The following MAGI2 variants were observed in gnomAD, a reference collection of about 807,000 sequenced individuals.
The protein encoded by MAGI2 is membrane-associated guanylate kinase, WW and PDZ domain-containing protein 2.
Under a neutral mutation model 133.3 loss-of-function variants are expected in MAGI2, and 35 were observed. The observed-to-expected ratio is 0.26, with a 90% confidence interval of 0.20 to 0.35. MAGI2 has a LOEUF of 0.35. MAGI2 is among the 10% of genes least tolerant of loss of function. The probability of loss-of-function intolerance (pLI) is 1.00; values close to 1 mark genes in which losing one functional copy is unlikely to be tolerated. For missense variants in MAGI2, 1,636 were observed against 1,863.4 expected (o/e 0.88, Z 2.25); for synonymous variants, 729 against 710.6 (o/e 1.03, Z -0.41).
rs572133649 is a variant in MAGI2, at chr7:79,426,865, C to T, written c.301+26155G>A. 1.1e-4 allele frequency among the ~76,000 whole-genome samples: 16 copies of T among 152,152 alleles called. No homozygotes were observed. In the South Asian group the frequency reaches 2.1e-3, roughly 20 times the overall value. On this transcript the variant is annotated intron_variant, in intron 1 of 21. Coordinates refer to ENST00000354212, the MANE Select transcript of MAGI2 (RefSeq NM_012301.4). ...ATTTGAACTGCCTTCCTACCTTTGC[C>T]CCTATTCAAATGACATAATTGTACT...
chr7:78,298,652 G>GC (rs1457262506), intron 9 of MAGI2, among the ~76,000 whole-genome samples: 12 of 151,650 alleles, frequency 7.9e-5, no homozygotes, highest in Admixed American at 3.3e-4. Flanking sequence ...TACAGGAACT[G>GC]CCACCACCCT....
At chr7:78,175,403 T>A (rs937427565) in intron 14 of MAGI2, among the ~76,000 whole-genome samples, 8 of 152,016 alleles carry the variant, frequency 5.3e-5, no homozygotes, top group African/African-American at 1.7e-4. Flanking sequence ...TCAGCTGAGG[T>A]GCAAGTGTGA....
chr7:79,157,847 C>T (rs1397214152), intron 1 of MAGI2, among the ~76,000 whole-genome samples: 1 of 122,294 alleles, frequency 8.2e-6, no homozygotes, highest in African/African-American at 3.0e-5. Context: ...GTGTATCTAA[C>T]AAGTTTTTTT....
chr7:78,372,661 T>G (rs1449654396), intron 6 of MAGI2, among the ~76,000 whole-genome samples: 1 of 152,166 alleles, frequency 6.6e-6, no homozygotes, highest in Non-Finnish European at 1.5e-5. Flanking sequence ...AATTCAGTGA[T>G]TAAATATTCC....
intron 1 of MAGI2, among the ~76,000 whole-genome samples, chr7:79,080,934 C>T (rs896972032): frequency 6.6e-6 from 1 of 152,048 alleles, no homozygotes; most frequent in African/African-American, 2.4e-5. Context: ...CCACAGCAGC[C>T]GAAGAAACTT....
chr7:79,161,807 A>G (rs1343820802), intron 1 of MAGI2, among the ~76,000 whole-genome samples: 1 of 152,148 alleles, frequency 6.6e-6, no homozygotes, highest in Non-Finnish European at 1.5e-5. Context: ...TCGCAATTTT[A>G]TGACAATATA....
At chr7:78,907,137 C>A (rs890690620) in intron 2 of MAGI2, among the ~76,000 whole-genome samples, 6 of 152,094 alleles carry the variant, frequency 3.9e-5, no homozygotes, top group African/African-American at 1.2e-4. Context: ...CAGGGAGAAA[C>A]CCTGGGTAGA....
chr7:78,572,602 T>TC (rs1801617468), intron 3 of MAGI2, among the ~76,000 whole-genome samples: 1 of 152,134 alleles, frequency 6.6e-6, no homozygotes, highest in Admixed American at 6.6e-5. Context: ...CAGATTCCTA[T>TC]CCCTGGATGC....
In MAGI2 at chr7:78,671,090, A is replaced by G. The variant is rs751977365; in HGVS notation, c.419-43851T>C. 1.5e-3 allele frequency among the ~76,000 whole-genome samples: 233 copies of G among 152,112 alleles called. 6 individuals carry two copies. The highest frequency in any genetic ancestry group is 3.5e-4 in the Non-Finnish European group (24 of 68,012). On this transcript the variant is annotated intron_variant, in intron 2 of 21. Coordinates refer to ENST00000354212, the MANE Select transcript of MAGI2 (RefSeq NM_012301.4). ...CCAAATGACAAATCATTTGTAGAGT[A>G]AGATTATCAAACCTATGAACAATAT... is the stretch of plus-strand genomic sequence containing the variant.
chr7:78,663,661 C>T (rs1055033722), intron 2 of MAGI2, among the ~76,000 whole-genome samples: 32 of 152,080 alleles, frequency 2.1e-4, no homozygotes, highest in African/African-American at 6.8e-4. Flanking sequence ...GACCTTAGCA[C>T]GATTACCATG....
intron 9 of MAGI2, among the ~76,000 whole-genome samples, chr7:78,318,990 C>T (rs565095399): frequency 1.9e-3 from 288 of 152,252 alleles, no homozygotes; most frequent in Admixed American, 4.0e-3. Flanking sequence ...AAAGAACAAC[C>T]GGTACCAGCC....
intron 2 of MAGI2, among the ~76,000 whole-genome samples, chr7:78,670,567 ATTACT>A (rs764423952): frequency 6.6e-5 from 10 of 152,170 alleles, no homozygotes; most frequent in Admixed American, 1.3e-4. Flanking sequence ...ATTGGAAAAC[ATTACT>A]TTAAAGTTCA....
chr7:79,199,590 T>C (rs563006191), intron 1 of MAGI2, among the ~76,000 whole-genome samples: 3 of 152,230 alleles, frequency 2.0e-5, no homozygotes, highest in South Asian at 4.1e-4. Context: ...AAATCATTCC[T>C]GTATTAAATA....
intron 2 of MAGI2, among the ~76,000 whole-genome samples, chr7:78,920,557 A>C (rs1799144489): frequency 6.6e-6 from 1 of 152,164 alleles, no homozygotes; most frequent in African/African-American, 2.4e-5. Flanking sequence ...TAAAAACTTA[A>C]TGAATTAACT....
chr7:79,166,755 C>T (rs981432848), intron 1 of MAGI2, among the ~76,000 whole-genome samples: 2 of 151,790 alleles, frequency 1.3e-5, no homozygotes, highest in Non-Finnish European at 2.9e-5. Context: ...GCATTTTACT[C>T]GAGGGAATCA....
At chr7:78,602,456 G>A (rs574757833) in intron 3 of MAGI2, among the ~76,000 whole-genome samples, 4 of 152,214 alleles carry the variant, frequency 2.6e-5, no homozygotes, top group African/African-American at 7.2e-5. Context: ...CACCATACCC[G>A]GCCGATTAAA....
At chr7:79,002,172 C>T (rs1234138228) in intron 2 of MAGI2, among the ~76,000 whole-genome samples, 1 of 151,108 alleles carries the variant, frequency 6.6e-6, no homozygotes, top group Admixed American at 6.6e-5. Context: ...CACTCTGTCA[C>T]CCAGGCTGAC....
intron 1 of MAGI2, among the ~76,000 whole-genome samples, chr7:79,049,083 C>G (rs2116971678): frequency 6.6e-6 from 1 of 152,260 alleles, no homozygotes; most frequent in South Asian, 2.1e-4. Flanking sequence ...GAGTGACATG[C>G]TCCACCTCTA....
chr7:78,760,996 C>T (rs1824453371), intron 2 of MAGI2, among the ~76,000 whole-genome samples: 1 of 152,122 alleles, frequency 6.6e-6, no homozygotes, highest in African/African-American at 2.4e-5. Flanking sequence ...ATTTCTCATC[C>T]CCACCTCTAA....
Sources: allele counts gnomAD v4.1 joint callset (sites outside exome capture counted in the v4.1 genomes callset), GRCh38; gene constraint gnomAD v4.1.1; transcripts MANE v1.5; gene names NCBI Gene and HGNC (gene_info 2026-07-23, HGNC 2026-07-21).